PPP4R2: variants seen among roughly 807,000 people sequenced by gnomAD.
PPP4R2 encodes the protein protein phosphatase 4 regulatory subunit 2, also known as serine/threonine-protein phosphatase 4 regulatory subunit 2.
Under a neutral mutation model 47.2 loss-of-function variants are expected in PPP4R2, and 13 were observed. The ratio of observed to expected loss-of-function variants is 0.28; its 90% CI spans 0.18 to 0.44. PPP4R2 has a LOEUF of 0.44. Among genes scored for constraint, PPP4R2 ranks in the 20% least tolerant of loss-of-function variants. The pLI, the probability that PPP4R2 is intolerant of heterozygous loss-of-function variation, is 1.00. For synonymous variants in PPP4R2, 151 were observed against 163.3 expected (o/e 0.92, Z 0.57); for missense variants, 421 against 491.2 (o/e 0.86, Z 1.35).
At chr3:73,060,942 G>T in intron 4 of PPP4R2, 81 bp from the exon 5 acceptor site, 1 of 933,540 alleles carries the variant, frequency 1.1e-6, no homozygotes. Context: ...ACCCACCAGA[G>T]TGATTTTAGA....
chr3:73,018,549 G>A (rs2107245978), intron 2 of PPP4R2, among the ~76,000 whole-genome samples: 1 of 138,336 alleles, frequency 7.2e-6, no homozygotes, highest in East Asian at 1.9e-4. Flanking sequence ...AACCACCCGG[G>A]CACAAGCAGT....
chr3:73,043,553 C>T (rs1337113741), intron 2 of PPP4R2, among the ~76,000 whole-genome samples: 1 of 152,166 alleles, frequency 6.6e-6, no homozygotes, highest in East Asian at 1.9e-4. Context: ...TTTACTTTCC[C>T]ACCAGTAATG....
chr3:73,021,886 ATGCATATATATATATTTTTT>A (rs1375430303), intron 2 of PPP4R2, among the ~76,000 whole-genome samples: 21 of 65,740 alleles, frequency 3.2e-4, no homozygotes, highest in Admixed American at 1.9e-4. Context: ...GTGTGTATAT[ATGCATATATATATATTTTTT>A]TTTTTTTTTT....
intron 2 of PPP4R2, among the ~76,000 whole-genome samples, chr3:72,998,395 G>C (rs981918460): frequency 1.3e-5 from 2 of 152,160 alleles, no homozygotes; most frequent in African/African-American, 4.8e-5. Flanking sequence ...TTATAGCTAG[G>C]CTTTGGCACG....
chr3:73,008,614 CTT>C (rs996056806), intron 2 of PPP4R2, among the ~76,000 whole-genome samples: 7 of 152,102 alleles, frequency 4.6e-5, no homozygotes, highest in Non-Finnish European at 1.0e-4. Flanking sequence ...CTTGGTGAGA[CTT>C]TGGACAAATT....
chr3:73,038,138 G>A (rs992868577), intron 2 of PPP4R2, among the ~76,000 whole-genome samples: 15 of 152,068 alleles, frequency 9.9e-5, no homozygotes, highest in Admixed American at 3.9e-4. Flanking sequence ...TTGTAGAGGG[G>A]GTGGTAAAAA....
chr3:73,027,975 G>T (rs554922553), intron 2 of PPP4R2: 1 of 149,626 alleles, frequency 6.7e-6, no homozygotes, highest in African/African-American at 2.5e-5. Flanking sequence ...GACGGGGTGG[G>T]CTGGGCACTA....
chr3:73,017,454 AC>A (rs1387381161), intron 2 of PPP4R2, among the ~76,000 whole-genome samples: 2 of 151,380 alleles, frequency 1.3e-5, no homozygotes, highest in Non-Finnish European at 2.9e-5. Context: ...CACTTCCCCC[AC>A]CCCCAATTAG....
Position 73,064,005 on chromosome 3 carries a change from C to A in PPP4R2, c.497C>A (p.Ser166Tyr), listed in dbSNP as rs1482510623. Reference protein sequence around the residue: ...PGNSPSYTERSNINGPGTPRP... With the variant: ...PGNSPSYTERYNINGPGTPRP... ...GATGTTCATTTATCTTATTATAGGT[C>A]TAATATAAATGGGCCTGGGACACCC... Residue 166 changes from serine to tyrosine, a missense_variant and splice_region_variant, in exon 7 of 9, where the codon TCT becomes TAT. Coordinates refer to ENST00000356692, the MANE Select transcript of PPP4R2 (RefSeq NM_174907.4). The A allele has an allele frequency of 1.3e-6, 2 of 1,587,970 alleles. No homozygotes were observed. Among genetic ancestry groups the A allele is most frequent in the Admixed American group, 1.9e-5 (1 of 52,258 alleles).
chr3:73,062,494 A>G, intron 5 of PPP4R2: 2 of 1,613,646 alleles, frequency 1.2e-6, no homozygotes, highest in East Asian at 2.2e-5. Context: ...GGGTTACACC[A>G]GGCATTACTG....
At chr3:73,063,429 G>C (rs1305975184) in intron 5 of PPP4R2, 1 of 368,954 alleles carries the variant, frequency 2.7e-6, no homozygotes, top group African/African-American at 2.2e-5. Context: ...TTTGAGGCTA[G>C]CCTGGCCAAC....
At chr3:73,064,824 T>A in intron 7 of PPP4R2, 28 bp from the exon 8 acceptor site, 1 of 1,542,932 alleles carries the variant, frequency 6.5e-7, no homozygotes, top group Non-Finnish European at 8.7e-7. Context: ...ATAATCTTAT[T>A]AATGACACTT....
In PPP4R2 at chr3:73,014,095, A is replaced by G. The variant is rs371745238; in HGVS notation, c.116+15937A>G. 1.4e-4 allele frequency among the ~76,000 whole-genome samples: 18 copies of G among 130,014 alleles called. 3 individuals carry two copies. The South Asian group carries it at 3.1e-3, about 23-fold the overall frequency. 85.3% of individuals were successfully genotyped at this position (130,014 alleles called of 152,430 possible). The stretch of plus-strand genomic sequence containing the variant: ...TTACCAACCAATTCAAACAGTGCTT[A>G]AGTTAATATACTGGCACAGATGTAA... On this transcript the variant is annotated intron_variant, in intron 2 of 8. Coordinates refer to ENST00000356692, the MANE Select transcript of PPP4R2 (RefSeq NM_174907.4).
chr3:73,028,256 C>CAAAAAAA (rs60279021), intron 2 of PPP4R2, among the ~76,000 whole-genome samples: 8 of 120,472 alleles, frequency 6.6e-5, no homozygotes, highest in Non-Finnish European at 1.0e-4. Context: ...GACTCCGTCT[C>CAAAAAAA]AAAAAAAAAA....
intron 3 of PPP4R2, among the ~76,000 whole-genome samples, chr3:73,051,033 G>C (rs904220731): frequency 1.1e-4 from 17 of 152,116 alleles, no homozygotes; most frequent in Non-Finnish European, 1.5e-4. Flanking sequence ...TCCTGCCTCA[G>C]CCTCCCGAGT....
Position 73,065,087 on chromosome 3 carries a change from A to G in PPP4R2, c.874A>G (p.Thr292Ala). ...SQDKDKDSRC[T>A]RQHCTEEDEE... ...GGATAAAGACAAAGATAGCCGTTGT[A>G]CCCGGCAGCACTGTACAGAAGAGGA... is the stretch of plus-strand genomic sequence containing the variant. The change falls in exon 8 of 9, where the codon ACC becomes GCC. Residue 292 changes from threonine to alanine, a missense_variant. By Grantham distance (58) the Thr-to-Ala change is moderately conservative. Coordinates refer to ENST00000356692, the MANE Select transcript of PPP4R2 (RefSeq NM_174907.4). 1 of 1,614,078 alleles carries G rather than the reference A, an allele frequency of 6.2e-7. No homozygotes were observed. Among genetic ancestry groups the G allele is most frequent in the Non-Finnish European group, 8.5e-7 (1 of 1,179,946 alleles).
chr3:73,005,371 T>C (rs1701586305), intron 2 of PPP4R2, among the ~76,000 whole-genome samples: 1 of 150,306 alleles, frequency 6.7e-6, no homozygotes, highest in Admixed American at 6.6e-5. Context: ...ATCTACACAC[T>C]GGTGGTGTAG....
chr3:73,023,294 A>ATTC (rs1670486567), intron 2 of PPP4R2, among the ~76,000 whole-genome samples: 1 of 106,194 alleles, frequency 9.4e-6, no homozygotes, highest in Non-Finnish European at 2.0e-5. Flanking sequence ...GGTTCAAGCA[A>ATTC]TTCTGCCTCA....
intron 5 of PPP4R2, 66 bp from the exon 6 acceptor site, chr3:73,063,607 T>A (rs2107346222): frequency 1.1e-6 from 1 of 895,198 alleles, no homozygotes; most frequent in East Asian, 2.5e-5. Flanking sequence ...CCACCTTGGG[T>A]GACAGAGCCA....
Sources: allele counts gnomAD v4.1 joint callset (sites outside exome capture counted in the v4.1 genomes callset), GRCh38; gene constraint gnomAD v4.1.1; transcripts MANE v1.5; gene names NCBI Gene and HGNC (gene_info 2026-07-23, HGNC 2026-07-21).